Variants in VPS37A observed in about 807,000 individuals in gnomAD.
The protein encoded by VPS37A is VPS37A subunit of ESCRT-I.
A neutral mutation model predicts 49.8 loss-of-function variants in VPS37A; 30 were observed. That is an observed-to-expected ratio of 0.60 (90% CI 0.45 to 0.82). The LOEUF (loss-of-function observed/expected upper bound fraction) is 0.82. Among genes scored for constraint, VPS37A ranks in the 40% least tolerant of loss-of-function variants. The probability of loss-of-function intolerance (pLI) is 0.00; values close to 1 mark genes in which losing one functional copy is unlikely to be tolerated. For missense variants in VPS37A, 593 were observed against 464.4 expected (o/e 1.28, Z -2.55); for synonymous variants, 195 against 160.6 (o/e 1.21, Z -1.62).
At chr8:17,253,365 T>C (rs577695247) in intron 1 of VPS37A, among the ~76,000 whole-genome samples, 6 of 152,212 alleles carry the variant, frequency 3.9e-5, no homozygotes, top group Admixed American at 3.9e-4. Context: ...GAGTAATCTT[T>C]CTAAAATTCA....
the VPS37A span, among the ~76,000 whole-genome samples, chr8:17,312,673 C>A: frequency 6.6e-6 from 1 of 151,492 alleles, no homozygotes; most frequent in South Asian, 2.1e-4. Context: ...CACATCACAT[C>A]TGTAAAATCT....
chr8:17,259,214 C>T (rs1281904639), intron 1 of VPS37A, among the ~76,000 whole-genome samples: 2 of 152,006 alleles, frequency 1.3e-5, no homozygotes, highest in African/African-American at 4.8e-5. Context: ...TCATTTATTG[C>T]TATAAACTTT....
chr8:17,294,787 G>A (rs1816492470), intron 11 of VPS37A, among the ~76,000 whole-genome samples, 200 bp from the exon 12 acceptor site: 1 of 152,170 alleles, frequency 6.6e-6, no homozygotes, highest in Non-Finnish European at 1.5e-5. Context: ...CCAGTGAGAT[G>A]AACCAGGTAT....
the VPS37A span, among the ~76,000 whole-genome samples, chr8:17,317,795 G>T: frequency 2.0e-5 from 3 of 152,118 alleles, no homozygotes; most frequent in East Asian, 5.8e-4. Context: ...GCCATAAATT[G>T]CAGCTTTTTT....
At position 17,247,078 on chromosome 8, in the gene VPS37A, G is replaced by C. The variant is rs1811287769; in HGVS notation, c.-167G>C. ...CCCGCCGTTCGTAGCATGTCCCCCA[G>C]AACTCGGGGAGCGCAGGCAGGACAG... On this transcript the variant is annotated 5_prime_UTR_variant, in exon 1 of 12. Transcript: ENST00000324849. The C allele has an allele frequency of 2.3e-6, 2 of 882,204 alleles. No homozygotes were observed. Among genetic ancestry groups the C allele is most frequent in the Admixed American group, 5.6e-5 (2 of 35,818 alleles). 54.6% of individuals were successfully genotyped at this position (882,204 alleles called of 1,614,324 possible).
At chr8:17,328,762 G>A in the VPS37A span, among the ~76,000 whole-genome samples, 1 of 152,126 alleles carries the variant, frequency 6.6e-6, no homozygotes. Flanking sequence ...TTACTTGAGG[G>A]AAAAGCCAGT....
At chr8:17,313,471 T>C in the VPS37A span, 1 of 1,016,222 alleles carries the variant, frequency 9.8e-7, no homozygotes, top group Non-Finnish European at 1.5e-6. Flanking sequence ...TCATGTTTTA[T>C]AGGTAGTTTG....
chr8:17,274,801 C>A lies in VPS37A; in HGVS notation c.485C>A (p.Pro162His). 2.5e-6 allele frequency: 4 copies of A among 1,614,132 alleles called. No individual in the cohort carries two copies. The highest frequency in any genetic ancestry group is 3.4e-6 in the Non-Finnish European group (4 of 1,180,016). Residue 162 changes from proline to histidine, a missense_variant, in exon 5 of 12, where the codon CCT (proline) becomes CAT (histidine). Coordinates refer to ENST00000324849, the MANE Select transcript of VPS37A (RefSeq NM_152415.3). The part of the protein sequence containing the change: ...SQGFPFLPPY[P>H]PQEANRSITS... ...GGTTTTCCATTTCTTCCTCCATATC[C>A]TCCACAAGAAGCAAACAGGAGTATC...
At chr8:17,281,335 A>G (rs778678467) in intron 9 of VPS37A, among the ~76,000 whole-genome samples, 30 of 152,028 alleles carry the variant, frequency 2.0e-4, no homozygotes, top group Admixed American at 3.9e-4. Context: ...AAGTAGAAAC[A>G]TTAGTTAGGA....
chr8:17,320,437 G>A, the VPS37A span, among the ~76,000 whole-genome samples: 25 of 152,224 alleles, frequency 1.6e-4, no homozygotes, highest in Admixed American at 3.3e-4. Flanking sequence ...CAAGGCAATT[G>A]GGAAGGGAGC....
the VPS37A span, among the ~76,000 whole-genome samples, chr8:17,312,887 G>A: frequency 6.6e-6 from 1 of 152,124 alleles, no homozygotes; most frequent in Non-Finnish European, 1.5e-5. Flanking sequence ...TTCCTATGGC[G>A]GAATGGACTC....
Position 17,268,261 on chromosome 8 carries a change from G to T in VPS37A, c.204G>T (p.Leu68Phe). Residue 68 changes from leucine (L) to phenylalanine (F), a missense_variant, in exon 3 of 12, where the codon TTG (leucine) becomes TTT (phenylalanine). Physicochemically the swap from Leu to Phe is conservative, Grantham distance 22 (BLOSUM62 0). Coordinates refer to ENST00000324849, the MANE Select transcript of VPS37A (RefSeq NM_152415.3). ...INNLTININI[L>F]LPPQFPQEKP... ...TCATCTGTTCTACCTCTACCAGATT[G>T]CTTCCTCCACAGTTTCCTCAGGAAA... 6.2e-7 allele frequency: 1 copy of T among 1,609,556 alleles called. No individual in the cohort carries two copies.
At chr8:17,304,583 A>G (rs1817329590), downstream of VPS37A, 4 of 1,517,960 alleles carry the variant, frequency 2.6e-6, no homozygotes, top group Non-Finnish European at 3.6e-6. Context: ...TAGATATGTT[A>G]TATTAATGCT....
At chr8:17,253,759 A>G (rs957661079) in intron 1 of VPS37A, among the ~76,000 whole-genome samples, 4 of 152,172 alleles carry the variant, frequency 2.6e-5, no homozygotes, top group African/African-American at 7.2e-5. Flanking sequence ...CATGTGTTCT[A>G]TTAAAAAAAT....
At chr8:17,306,013 G>A (rs1298682914), downstream of VPS37A, 2 of 1,419,280 alleles carry the variant, frequency 1.4e-6, no homozygotes. Flanking sequence ...AAAGTACAAA[G>A]CCATAAATGC....
At chr8:17,332,563 T>A in the VPS37A span, among the ~76,000 whole-genome samples, 45 of 152,260 alleles carry the variant, frequency 3.0e-4, 1 homozygote, top group African/African-American at 9.9e-4. Flanking sequence ...CCATTGGAAG[T>A]TGAAAATGCC....
downstream of VPS37A, chr8:17,298,650 C>T (rs1190375877): frequency 6.6e-6 from 1 of 152,472 alleles, no homozygotes; most frequent in Non-Finnish European, 1.5e-5. Context: ...AATCCTTTTA[C>T]ATTCTAGAAT....
At chr8:17,255,821 A>T (rs1812396870) in intron 1 of VPS37A, among the ~76,000 whole-genome samples, 1 of 152,212 alleles carries the variant, frequency 6.6e-6, no homozygotes, top group Non-Finnish European at 1.5e-5. Flanking sequence ...TATGTCACTT[A>T]ACGTAATGAC....
At chr8:17,270,018 T>G (rs1813826550) in intron 4 of VPS37A, among the ~76,000 whole-genome samples, 1 of 152,048 alleles carries the variant, frequency 6.6e-6, no homozygotes, top group Non-Finnish European at 1.5e-5. Flanking sequence ...TGCAGGCACA[T>G]TACATGATGA....
Sources: allele counts gnomAD v4.1 joint callset (sites outside exome capture counted in the v4.1 genomes callset), GRCh38; gene constraint gnomAD v4.1.1; transcripts MANE v1.5; gene names NCBI Gene and HGNC (gene_info 2026-07-23, HGNC 2026-07-21).